KLF13: variants seen among roughly 807,000 people sequenced by gnomAD.
KLF13 encodes the protein KLF transcription factor 13, also known as Krueppel-like factor 13.
Under a neutral mutation model 16.7 loss-of-function variants are expected in KLF13, and 8 were observed. The observed-to-expected ratio is 0.48, with a 90% CI of 0.28 to 0.87. The LOEUF is 0.87. KLF13 is among the 40% of genes least tolerant of loss of function. The pLI, the probability that KLF13 is intolerant of heterozygous loss-of-function variation, is 0.10. For missense variants in KLF13, 447 were observed against 452.2 expected (o/e 0.99, Z 0.10); for synonymous variants, 245 against 208.4 (o/e 1.18, Z -1.51).
intron 1 of KLF13, 151 bp downstream of exon 1, chr15:31,327,940 C>G (rs957284003): frequency 2.1e-6 from 2 of 947,220 alleles, no homozygotes; most frequent in Non-Finnish European, 2.6e-6. Context: ...CGCTCCGACC[C>G]GCGGCTGGCC....
At chr15:31,380,436 G>C (rs1412997729), downstream of KLF13, among the ~76,000 whole-genome samples, 2 of 152,172 alleles carry the variant, frequency 1.3e-5, no homozygotes, top group Non-Finnish European at 2.9e-5. Context: ...TGTTCTGGAA[G>C]GGGGCCCAGT....
At chr15:31,399,221 C>T (rs1415664899) in intron 2 of KLF13, among the ~76,000 whole-genome samples, 1 of 152,190 alleles carries the variant, frequency 6.6e-6, no homozygotes, top group Non-Finnish European at 1.5e-5. Context: ...GAGTTTTCCC[C>T]CTGCGGCTGG....
At chr15:31,410,955 T>C (rs2040186845) in intron 1 of KLF13, among the ~76,000 whole-genome samples, 1 of 152,166 alleles carries the variant, frequency 6.6e-6, no homozygotes, top group Admixed American at 6.5e-5. Context: ...CCTTAAAAGA[T>C]ATGATCAAAA....
rs2039590953 is a variant in KLF13 at position 31,373,527 on chromosome 15, G to A, written c.*1228G>A. On this transcript the variant is annotated 3_prime_UTR_variant, in exon 2 of 2. Transcript: ENST00000307145. Reference sequence around the variant, plus strand: ...CCAACTCAGACTTAGCAAACCTCCAGCCTCTCCGTTTCCCCTGGACTCCTC... The same window carrying A: ...CCAACTCAGACTTAGCAAACCTCCAACCTCTCCGTTTCCCCTGGACTCCTC... 2 of 152,304 alleles carry A rather than the reference G, an allele frequency of 1.3e-5. No homozygotes were observed. The highest frequency in any genetic ancestry group is 1.3e-4 in the Admixed American group (2 of 15,284). The allele number at this position is 152,304 out of a possible 1,614,324, so 9.4% of individuals were successfully genotyped here.
At position 31,327,823 on chromosome 15, in the gene KLF13, G is replaced by T. The variant is rs555212554; in HGVS notation, c.577+34G>T. The T allele has an allele frequency of 2.8e-6, 4 of 1,416,310 alleles. No homozygotes were observed. In the South Asian group the frequency reaches 5.7e-5, roughly 20 times the overall value. The allele number at this position is 1,416,310 out of a possible 1,614,324, so 87.7% of individuals were successfully genotyped here. A position where few individuals can be genotyped will look rare whatever the true frequency, so the allele number is the denominator to read the frequency against. On this transcript the variant is annotated intron_variant, in intron 1 of 1. Coordinates refer to ENST00000307145, the MANE Select transcript of KLF13 (RefSeq NM_015995.4). ...GGCGGCGCGGGCGCCCGGATCGCGC[G>T]GACGGGGTCGGCGCGAGCTGCCCGA...
At chr15:31,340,135 G>A (rs1461366253) in intron 1 of KLF13, 2 of 678,156 alleles carry the variant, frequency 2.9e-6, no homozygotes, top group African/African-American at 3.5e-5. Flanking sequence ...AGGTCTATTT[G>A]GGTCCCTTCT....
intron 1 of KLF13, chr15:31,339,881 G>A (rs1032684116): frequency 2.3e-5 from 16 of 687,758 alleles, no homozygotes; most frequent in Admixed American, 2.2e-4. Context: ...TGCAGCAGCG[G>A]GCTCTCGTGC....
At chr15:31,432,049 G>A (rs536188433) in intron 1 of KLF13, among the ~76,000 whole-genome samples, 10 of 152,302 alleles carry the variant, frequency 6.6e-5, no homozygotes, top group African/African-American at 2.4e-4. Flanking sequence ...AACTTGCTAA[G>A]TTGAACATTT....
chr15:31,427,693 G>A (rs1328743449), intron 1 of KLF13, among the ~76,000 whole-genome samples: 2 of 152,172 alleles, frequency 1.3e-5, no homozygotes, highest in Non-Finnish European at 2.9e-5. Context: ...AAGTTTAATT[G>A]CCTCACAGTT....
intron 1 of KLF13, among the ~76,000 whole-genome samples, chr15:31,353,227 G>T (rs998327540): frequency 3.9e-5 from 6 of 152,218 alleles, no homozygotes; most frequent in African/African-American, 1.4e-4. Context: ...TTGTGGCCCT[G>T]GTCATCCAGT....
intron 1 of KLF13, among the ~76,000 whole-genome samples, chr15:31,426,014 G>A (rs1400095715): frequency 2.6e-5 from 4 of 152,172 alleles, no homozygotes; most frequent in Non-Finnish European, 5.9e-5. Flanking sequence ...CTAGGGGCAG[G>A]AGCAAAATGC....
At chr15:31,357,399 C>T (rs779989795) in intron 1 of KLF13, among the ~76,000 whole-genome samples, 16 of 152,234 alleles carry the variant, frequency 1.1e-4, no homozygotes, top group African/African-American at 3.1e-4. Context: ...TCTGGTGACA[C>T]GGCCCAGAGA....
chr15:31,432,458 T>G (rs2040485171), intron 1 of KLF13, among the ~76,000 whole-genome samples: 1 of 100,542 alleles, frequency 9.9e-6, no homozygotes. Flanking sequence ...TTTCCTTTTT[T>G]TTTTTTTTAA....
At position 31,327,471 on chromosome 15, in the gene KLF13, G is replaced by T; in HGVS notation, c.259G>T (p.Ala87Ser). The stretch of plus-strand genomic sequence containing the variant: ...CGCCCCGGCGGAGCGCAGGGAGGGC[G>T]CCGCGGCCCGGAAGGCGAGGACCCC... Reference protein sequence around the residue: ...APAPAERREGAAARKARTPCR... With the variant: ...APAPAERREGSAARKARTPCR... The change falls in exon 1 of 2, where the codon GCC becomes TCC. Residue 87 changes from alanine (A) to serine (S), a missense_variant. Ala to Ser is a moderately conservative substitution (Grantham distance 99). Coordinates refer to ENST00000307145, the MANE Select transcript of KLF13 (RefSeq NM_015995.4). 8.5e-7 allele frequency: 1 copy of T among 1,175,192 alleles called. No homozygotes were observed. The highest frequency in any genetic ancestry group is 1.0e-6 in the Non-Finnish European group (1 of 954,392). The allele number at this position is 1,175,192 out of a possible 1,614,324, so 72.8% of individuals were successfully genotyped here. A position where few individuals can be genotyped will look rare whatever the true frequency, so the allele number is the denominator to read the frequency against.
chr15:31,391,720 G>GGGGGCTGTGT (rs894805053), upstream of KLF13, among the ~76,000 whole-genome samples: 4 of 151,698 alleles, frequency 2.6e-5, no homozygotes, highest in Non-Finnish European at 5.9e-5. Flanking sequence ...GGGGGCTGTG[G>GGGGGCTGTGT]GGGGCTGTGT....
At chr15:31,384,093 A>G (rs879493672) in intron 1 of KLF13, among the ~76,000 whole-genome samples, 1 of 152,206 alleles carries the variant, frequency 6.6e-6, no homozygotes, top group Admixed American at 6.5e-5. Flanking sequence ...ATGATTTATT[A>G]AAACACTTTT....
chr15:31,403,033 C>G (rs2040063131), intron 2 of KLF13, among the ~76,000 whole-genome samples: 1 of 152,192 alleles, frequency 6.6e-6, no homozygotes, highest in East Asian at 1.9e-4. Context: ...GAAGGGCATG[C>G]TAGTCCAGGC....
chr15:31,421,415 A>G (rs1210574389), intron 1 of KLF13, among the ~76,000 whole-genome samples: 2 of 152,248 alleles, frequency 1.3e-5, no homozygotes, highest in African/African-American at 4.8e-5. Flanking sequence ...TAATCCTGGT[A>G]TAAAATTTGA....
chr15:31,329,846 C>G (rs2038795957), intron 1 of KLF13, among the ~76,000 whole-genome samples: 1 of 152,138 alleles, frequency 6.6e-6, no homozygotes, highest in African/African-American at 2.4e-5. Context: ...TGGAAGTGCA[C>G]AGGGCTCCGG....
Sources: gnomAD v4.1 joint callset for allele counts (sites outside exome capture counted in the v4.1 genomes callset) on GRCh38, gnomAD v4.1.1 for gene constraint, MANE v1.5 for transcripts, NCBI Gene and HGNC (gene_info 2026-07-23, HGNC 2026-07-21) for gene names.